The following LPIN2 variants were observed in gnomAD, a reference collection of about 807,000 sequenced individuals.
The protein encoded by LPIN2 is lipin 2, also known as phosphatidate phosphatase LPIN2.
In LPIN2, 55 loss-of-function variants were observed where a neutral mutation model predicts 111.4. The observed-to-expected ratio is 0.49, with a 90% CI of 0.40 to 0.62. The LOEUF (loss-of-function observed/expected upper bound fraction) is 0.62. LPIN2 is among the 20% of genes least tolerant of loss of function. LPIN2 has a pLI of 0.00. For synonymous variants in LPIN2, 425 were observed against 414.0 expected, an observed-to-expected ratio of 1.03 and a Z score of -0.32; for missense variants, 992 against 1,112.1, an observed-to-expected ratio of 0.89 and a Z score of 1.54.
chr18:2,994,186 G>A (rs1334859808), intron 1 of LPIN2, among the ~76,000 whole-genome samples: 2 of 152,196 alleles, frequency 1.3e-5, no homozygotes, highest in African/African-American at 4.8e-5. Context: ...CTTTAGTCCT[G>A]GGTCCTGCAC....
intron 1 of LPIN2, among the ~76,000 whole-genome samples, chr18:2,974,032 CG>C (rs1329354116): frequency 6.6e-6 from 1 of 152,110 alleles, no homozygotes; most frequent in Non-Finnish European, 1.5e-5. Flanking sequence ...TATTTTAAAA[CG>C]GGATTGCTAA....
chr18:3,003,950 T>C (rs1933453320), intron 1 of LPIN2, among the ~76,000 whole-genome samples: 1 of 152,156 alleles, frequency 6.6e-6, no homozygotes, highest in Non-Finnish European at 1.5e-5. Flanking sequence ...TAATAATTGA[T>C]ACCGTGTGGA....
chr18:2,960,704 G>A lies in LPIN2; in HGVS notation c.137C>T (p.Ser46Leu). The A allele has an allele frequency of 6.2e-7, 1 of 1,613,990 alleles. No homozygotes were observed. The highest frequency in any genetic ancestry group is 8.5e-7 in the Non-Finnish European group (1 of 1,179,978). Reference sequence around the variant, plus strand: ...CTTTCCAAACCGAACGTGAAAAGGTGAACACTGATAGCTGCCATCCTGCTG... The same window carrying A: ...CTTTCCAAACCGAACGTGAAAAGGTAAACACTGATAGCTGCCATCCTGCTG... ...VQQQDGSYQC[S>L]PFHVRFGKLG... Residue 46 changes from serine (S) to leucine (L), a missense_variant, in exon 2 of 20, where the codon TCA (serine) becomes TTA (leucine). By Grantham distance (145) the Ser-to-Leu change is moderately radical. Transcript: ENST00000677752.
chr18:2,953,701 A>G (rs182454065), intron 3 of LPIN2, among the ~76,000 whole-genome samples: 2 of 152,362 alleles, frequency 1.3e-5, no homozygotes, highest in East Asian at 1.9e-4. Context: ...TGTATCCTTA[A>G]TAACTTGATG....
intron 18 of LPIN2, chr18:2,921,325 G>C: frequency 1.6e-6 from 1 of 615,662 alleles, no homozygotes; most frequent in East Asian, 2.8e-5. Flanking sequence ...AGCGTCCTTC[G>C]TATAAATTCT....
intron 6 of LPIN2, among the ~76,000 whole-genome samples, 170 bp from the exon 7 acceptor site, chr18:2,938,207 C>T (rs2077317786): frequency 6.6e-6 from 1 of 151,974 alleles, no homozygotes; most frequent in Non-Finnish European, 1.5e-5. Context: ...TAATAATTGC[C>T]TTTTGTTCAA....
intron 2 of LPIN2, among the ~76,000 whole-genome samples, chr18:2,958,181 A>AC (rs2077652159): frequency 6.1e-5 from 9 of 147,096 alleles, no homozygotes; most frequent in African/African-American, 2.0e-4. Flanking sequence ...AAACAGAAAA[A>AC]AGAAAAAAAA....
chr18:2,980,040 G>GGGA (rs1362244460), intron 1 of LPIN2, among the ~76,000 whole-genome samples: 21 of 152,300 alleles, frequency 1.4e-4, no homozygotes, highest in African/African-American at 5.1e-4. Flanking sequence ...TAAAACTTAG[G>GGGA]GGAGTTAGGA....
intron 14 of LPIN2, 104 bp from the exon 15 acceptor site, chr18:2,924,650 A>G (rs1301235489): frequency 8.0e-7 from 1 of 1,255,072 alleles, no homozygotes; most frequent in East Asian, 2.4e-5. Context: ...AACAAGAGGC[A>G]GGATGGTTTC....
rs779176377 is a variant in LPIN2, at chr18:2,925,232, C to T, written c.1930G>A (p.Asp644Asn). Residue 644 changes from aspartate to asparagine, a missense_variant, in exon 14 of 20, where the codon GAC (aspartate) becomes AAC (asparagine). By Grantham distance (23) the Asp-to-Asn change is conservative. Around this residue, in one of 4 missense-constraint regions of LPIN2, gnomAD observed 709 missense variants for 753.2 expected, o/e 0.94. Transcript: ENST00000677752. This position sits in a 1 kb window ranked among gnomAD's most constrained non-coding sequence, Gnocchi z 4.1. ...GATCATGCAAGACTCACGATCTGGT[C>T]TGAGGAGAGGCGGAGAGACTTCTTA... ...SYKKSLRLSS[D>N]QIAKLKLHDG... is the part of the protein sequence containing the mutation. 15 of 1,614,056 alleles carry T rather than the reference C, an allele frequency of 9.3e-6. No individual in the cohort carries two copies. The highest frequency in any genetic ancestry group is 1.3e-5 in the African/African-American group (1 of 74,916).
intron 1 of LPIN2, among the ~76,000 whole-genome samples, chr18:2,987,747 C>T: frequency 6.6e-6 from 1 of 152,010 alleles, no homozygotes; most frequent in East Asian, 1.9e-4. Flanking sequence ...TTCTTCCTGC[C>T]ACCTTCTTCC....
In LPIN2 at chr18:2,966,589, A is replaced by C. The variant is rs572590462; in HGVS notation, c.-9-5740T>G. Reference sequence around the variant, plus strand: ...TCTAAGTAACAGAAATGCTCTAAGTAAACATGATAAAAGCCTTCATGAAGC... The same window carrying C: ...TCTAAGTAACAGAAATGCTCTAAGTCAACATGATAAAAGCCTTCATGAAGC... On this transcript the variant is annotated intron_variant, in intron 1 of 19. Transcript: ENST00000677752. 6.6e-5 allele frequency among the ~76,000 whole-genome samples: 10 copies of C among 152,332 alleles called. No individual in the cohort carries two copies. The South Asian group carries it at 1.7e-3, about 25-fold the overall frequency.
intron 1 of LPIN2, among the ~76,000 whole-genome samples, chr18:2,984,557 A>C (rs1239261272): frequency 6.6e-6 from 1 of 152,084 alleles, no homozygotes; most frequent in Non-Finnish European, 1.5e-5. Context: ...TAGGAGAAAG[A>C]GAGATTAAAG....
chr18:2,976,850 G>A (rs1012058789), intron 1 of LPIN2, among the ~76,000 whole-genome samples: 3 of 152,154 alleles, frequency 2.0e-5, no homozygotes, highest in African/African-American at 4.8e-5. Context: ...TAACTAAGCC[G>A]TAAGAGCCTT....
intron 2 of LPIN2, among the ~76,000 whole-genome samples, chr18:2,960,174 ATGTGTGTG>A (rs59457524): frequency 0.031 from 4,176 of 136,594 alleles, 169 homozygotes; most frequent in African/African-American, 0.1. Context: ...CGACTCAAAA[ATGTGTGTG>A]TGTGTGTGTG....
Position 2,924,547 on chromosome 18 carries a change from C to T in LPIN2, c.1939-1G>A. On this transcript the variant is annotated splice_acceptor_variant, in intron 14 of 19. Coordinates refer to ENST00000677752, the MANE Select transcript of LPIN2 (RefSeq NM_001375808.2). LOFTEE classifies it high-confidence loss of function. ...GGCCATCGTGGAGCTTCAGTTTTGC[C>T]TTTTAAAAAAGCATAAGAATAAAGA... 6.2e-7 allele frequency: 1 copy of T among 1,614,090 alleles called. No homozygotes were observed. The highest frequency in any genetic ancestry group is 1.1e-5 in the South Asian group (1 of 91,070).
chr18:2,921,383 G>A, intron 18 of LPIN2, 150 bp downstream of exon 18: 1 of 705,446 alleles, frequency 1.4e-6, no homozygotes, highest in Non-Finnish European at 2.6e-6. Context: ...ATAGATATTT[G>A]GAATAGATCA....
chr18:2,934,926 T>C (rs2077265043), intron 7 of LPIN2, among the ~76,000 whole-genome samples: 1 of 152,238 alleles, frequency 6.6e-6, no homozygotes. Context: ...TCACAATGGA[T>C]AGATGTGGCA....
chr18:2,929,402 C>T (rs571436050), intron 9 of LPIN2, among the ~76,000 whole-genome samples: 4 of 152,158 alleles, frequency 2.6e-5, no homozygotes, highest in Non-Finnish European at 2.9e-5. Flanking sequence ...TAAAAAGGGA[C>T]ATGACAGAGA....
Sources: allele counts gnomAD v4.1 joint callset (sites outside exome capture counted in the v4.1 genomes callset), GRCh38; gene constraint gnomAD v4.1.1; regional missense constraint gnomAD v4.1.1; non-coding constraint Gnocchi (gnomAD v3.1); transcripts MANE v1.5; gene names NCBI Gene and HGNC (gene_info 2026-07-23, HGNC 2026-07-21).